The following BTBD1 variants were observed in gnomAD, a reference collection of about 807,000 sequenced individuals.
BTBD1 encodes BTB domain containing 1.
In BTBD1, 34 loss-of-function variants were observed where a neutral mutation model predicts 48.0. The ratio of observed to expected loss-of-function variants is 0.71; its 90% confidence interval spans 0.54 to 0.94. BTBD1 has a LOEUF of 0.94. Among genes scored for constraint, BTBD1 ranks in the 40% least tolerant of loss-of-function variants. The pLI is 0.00. For missense variants in BTBD1, 543 were observed against 625.6 expected (o/e 0.87, Z 1.41); for synonymous variants, 261 against 242.1 (o/e 1.08, Z -0.72).
chr15:83,029,929 T>C, intron 5 of BTBD1: 3 of 596,758 alleles, frequency 5.0e-6, no homozygotes, highest in South Asian at 4.4e-5. Context: ...CTCTATTTTT[T>C]TCTTAAGAAG....
At chr15:83,028,251 A>C (rs2032450636) in intron 5 of BTBD1, among the ~76,000 whole-genome samples, 1 of 152,216 alleles carries the variant, frequency 6.6e-6, no homozygotes, top group African/African-American at 2.4e-5. Context: ...TCTAGTAAGA[A>C]TTATATCTGG....
chr15:83,044,634 G>C, intron 3 of BTBD1: 1 of 1,555,440 alleles, frequency 6.4e-7, no homozygotes, highest in East Asian at 2.2e-5. Context: ...CAGCTTTGCA[G>C]ATGGTGCATT....
At chr15:83,029,947 C>G in intron 5 of BTBD1, 189 bp downstream of exon 5, 1 of 633,454 alleles carries the variant, frequency 1.6e-6, no homozygotes, top group Non-Finnish European at 2.8e-6. Context: ...AAGTCACCCT[C>G]ACTCATAAAT....
At chr15:83,051,869 CATAT>C (rs758487493) in intron 2 of BTBD1, among the ~76,000 whole-genome samples, 1 of 129,014 alleles carries the variant, frequency 7.8e-6, no homozygotes, top group African/African-American at 2.9e-5. Flanking sequence ...ATTTTTTTTC[CATAT>C]ATATACACAC....
intron 5 of BTBD1, among the ~76,000 whole-genome samples, chr15:83,025,568 T>G (rs1011853839): frequency 6.6e-6 from 1 of 152,044 alleles, no homozygotes; most frequent in Admixed American, 6.6e-5. Context: ...TACTACTTAA[T>G]ATTATGTTAC....
chr15:83,058,866 G>T (rs1187930853), intron 1 of BTBD1, among the ~76,000 whole-genome samples: 1 of 152,064 alleles, frequency 6.6e-6, no homozygotes, highest in South Asian at 2.1e-4. Context: ...ATGTGGAAAA[G>T]GTTTGTAGAG....
rs1336515701 is a variant in BTBD1, at chr15:83,066,920, C to G, written c.232G>C (p.Gly78Arg). 4 of 1,556,764 alleles carry G rather than the reference C, an allele frequency of 2.6e-6. No homozygotes were observed. The highest frequency in any genetic ancestry group is 3.5e-6 in the Non-Finnish European group (4 of 1,156,082). The change falls in exon 1 of 8, where the codon GGT becomes CGT. Residue 78 changes from glycine to arginine, a missense_variant. Physicochemically the swap from Gly to Arg is moderately radical, Grantham distance 125 (BLOSUM62 -2). Transcript: ENST00000261721. ...LSDVRFVLGK[G>R]RGAAAAGGPQ... is the part of the protein sequence containing the mutation. ...CCCCCAGCGGCGGCGGCGCCGCGACCCTTGCCCAGTACGAAGCGCACATCG... is the reference window on the plus strand; with the variant it reads ...CCCCCAGCGGCGGCGGCGCCGCGACGCTTGCCCAGTACGAAGCGCACATCG...
At position 83,067,185 on chromosome 15, in the gene BTBD1, A is replaced by T. The variant is rs775604622; in HGVS notation, c.-34T>A. The T allele has an allele frequency of 7.3e-7, 1 of 1,373,398 alleles. No individual in the cohort carries two copies. The highest frequency in any genetic ancestry group is 9.4e-7 in the Non-Finnish European group (1 of 1,065,192). 85.1% of individuals were successfully genotyped at this position (1,373,398 alleles called of 1,614,324 possible). A position where few individuals can be genotyped will look rare whatever the true frequency, so the allele number is the denominator to read the frequency against. ...TGCGCGGTTGCCCACGTTATGGACA[A>T]AACTCCGCCGCCATCGCCCAGGCCG... On this transcript the variant is annotated 5_prime_UTR_variant, in exon 1 of 8. It adds an upstream start codon to the 5' untranslated region. Transcript: ENST00000261721.
intron 3 of BTBD1, 105 bp downstream of exon 3, chr15:83,049,967 AT>A: frequency 1.6e-6 from 1 of 624,550 alleles, no homozygotes; most frequent in Middle Eastern, 2.6e-4. Flanking sequence ...GACTTCAATC[AT>A]TTGGGAAAGC....
At chr15:83,020,919 C>T in intron 5 of BTBD1, 157 bp from the exon 6 acceptor site, 1 of 514,200 alleles carries the variant, frequency 1.9e-6, no homozygotes, top group Non-Finnish European at 3.4e-6. Flanking sequence ...GTTTGCTTAC[C>T]AAAAAGCTTT....
At chr15:83,051,903 C>CACACACACACACACACACAT (rs1405843210) in intron 2 of BTBD1, among the ~76,000 whole-genome samples, 1 of 151,304 alleles carries the variant, frequency 6.6e-6, no homozygotes, top group East Asian at 1.9e-4. Context: ...CACACACACA[C>CACACACACACACACACACAT]ATCTATCTGG....
chr15:83,033,243 TG>T lies in BTBD1; in HGVS notation c.863-2916del, dbSNP rs2032559544. Among the ~76,000 whole-genome samples the T allele has an allele frequency of 2.0e-5, 3 of 152,012 alleles. No homozygotes were observed. The South Asian group carries it at 6.2e-4, about 31-fold the overall frequency. The stretch of plus-strand genomic sequence containing the variant: ...TTTAAAAAAAATGGTAAGATAAAGA[TG>T]TTTTTAGACAAAAGAAAAAAAGAGT... On this transcript the variant is annotated intron_variant, in intron 4 of 7. Coordinates refer to ENST00000261721, the MANE Select transcript of BTBD1 (RefSeq NM_025238.4).
intron 6 of BTBD1, chr15:83,020,080 C>T (rs930067074): frequency 6.6e-6 from 1 of 150,786 alleles, no homozygotes; most frequent in African/African-American, 2.4e-5. Flanking sequence ...TTCAAGACCA[C>T]CCTGGGCAAC....
intron 4 of BTBD1, among the ~76,000 whole-genome samples, chr15:83,038,435 G>C (rs1424796814): frequency 6.6e-6 from 1 of 152,066 alleles, no homozygotes; most frequent in Non-Finnish European, 1.5e-5. Context: ...ATATGCTCGT[G>C]GATTGGAAGA....
chr15:83,052,943 C>T (rs1167904787), intron 2 of BTBD1, among the ~76,000 whole-genome samples: 1 of 151,204 alleles, frequency 6.6e-6, no homozygotes, highest in Non-Finnish European at 1.5e-5. Context: ...CCTCAAAAGA[C>T]ATTTTAATTG....
intron 4 of BTBD1, chr15:83,030,912 G>GA (rs540888707): frequency 0.024 from 3,566 of 146,876 alleles, 57 homozygotes; most frequent in Middle Eastern, 0.041. Context: ...AAATCAGCAA[G>GA]AAAAAAAAAA....
chr15:83,031,117 T>C (rs1473283875), intron 4 of BTBD1, among the ~76,000 whole-genome samples: 1 of 152,234 alleles, frequency 6.6e-6, no homozygotes, highest in African/African-American at 2.4e-5. Context: ...TCTTCCACAA[T>C]GGTTGAACTA....
At chr15:83,031,933 T>G (rs1490384951) in intron 4 of BTBD1, among the ~76,000 whole-genome samples, 1 of 152,092 alleles carries the variant, frequency 6.6e-6, no homozygotes, top group African/African-American at 2.4e-5. Flanking sequence ...AAAATAGATG[T>G]TGGCGTGAAT....
In BTBD1 at chr15:83,067,054, G is replaced by T. The variant is rs1396944557; in HGVS notation, c.98C>A (p.Ser33Tyr). The change falls in exon 1 of 8, where the codon TCT (serine) becomes TAT (tyrosine). Residue 33 changes from serine to tyrosine, a missense_variant. Ser to Tyr is a moderately radical substitution (Grantham distance 144). Coordinates refer to ENST00000261721, the MANE Select transcript of BTBD1 (RefSeq NM_025238.4). The stretch of plus-strand genomic sequence containing the variant: ...CTGCAGGGGGAGCAGGGGCCCCAGA[G>T]AGGACGGTGAGGGCGGCGGCGGCGG... ...AGPPPPPSPS[S>Y]LGPLLPLQRE... 9 of 1,576,900 alleles carry T rather than the reference G, an allele frequency of 5.7e-6. No individual in the cohort carries two copies. Among genetic ancestry groups the T allele is most frequent in the Non-Finnish European group, 6.9e-6 (8 of 1,164,346 alleles).
Sources: gnomAD v4.1 joint callset for allele counts (sites outside exome capture counted in the v4.1 genomes callset) on GRCh38, gnomAD v4.1.1 for gene constraint, MANE v1.5 for transcripts, NCBI Gene and HGNC (gene_info 2026-07-23, HGNC 2026-07-21) for gene names.